Variants in TFEC observed in about 807,000 individuals in gnomAD.
TFEC encodes the protein class E basic helix-loop-helix protein 34.
TFEC carries 31 observed loss-of-function variants against 41.6 expected under a neutral mutation model. The observed-to-expected ratio is 0.74, with a 90% CI of 0.56 to 1.01. TFEC has a LOEUF of 1.01. Among genes scored for constraint, TFEC ranks in the 50% least tolerant of loss-of-function variants. The pLI is 0.00. For synonymous variants in TFEC, 143 were observed against 140.6 expected (o/e 1.02, Z -0.12); for missense variants, 402 against 404.1 (o/e 0.99, Z 0.04).
intron 3 of TFEC, among the ~76,000 whole-genome samples, chr7:115,959,271 A>C (rs1360580175): frequency 6.6e-6 from 1 of 151,794 alleles, no homozygotes; most frequent in Non-Finnish European, 1.5e-5. Flanking sequence ...AAGGCCTGAT[A>C]GAGCAGAGTC....
chr7:116,073,619 A>C (rs1796882500), intron 3 of TFEC, among the ~76,000 whole-genome samples: 1 of 151,900 alleles, frequency 6.6e-6, no homozygotes. Flanking sequence ...TTTTTGCATA[A>C]ATTGACAAGC....
At chr7:115,999,820 T>A in intron 1 of TFEC, among the ~76,000 whole-genome samples, 1 of 117,250 alleles carries the variant, frequency 8.5e-6, no homozygotes, top group Non-Finnish European at 1.7e-5. Flanking sequence ...AGTAGCAAGA[T>A]CAAAGCCATA....
At chr7:116,075,583 TG>T (rs1232046221) in intron 3 of TFEC, among the ~76,000 whole-genome samples, 6 of 152,016 alleles carry the variant, frequency 3.9e-5, no homozygotes, top group Non-Finnish European at 8.8e-5. Context: ...GCCATCTGTG[TG>T]GGAACGGGAT....
At chr7:116,018,945 T>C (rs943318180) in intron 1 of TFEC, among the ~76,000 whole-genome samples, 2 of 152,002 alleles carry the variant, frequency 1.3e-5, no homozygotes, top group Non-Finnish European at 2.9e-5. Context: ...TCATGGATGG[T>C]TAGGTAAAGC....
chr7:116,092,188 T>C (rs1484263608), intron 3 of TFEC, among the ~76,000 whole-genome samples: 1 of 152,206 alleles, frequency 6.6e-6, no homozygotes, highest in African/African-American at 2.4e-5. Flanking sequence ...CTCCAGTGAA[T>C]TCCCCTGTGA....
At chr7:116,067,219 T>C (rs982149366) in intron 3 of TFEC, among the ~76,000 whole-genome samples, 12 of 152,002 alleles carry the variant, frequency 7.9e-5, no homozygotes, top group Admixed American at 6.6e-5. Flanking sequence ...TTATCTTTCA[T>C]AGTTTATTTT....
Position 115,940,100 on chromosome 7 carries a change from A to G in TFEC, c.*451T>C, listed in dbSNP as rs1343946096. 1 of 153,720 alleles carries G rather than the reference A, an allele frequency of 6.5e-6. No individual in the cohort carries two copies. Among genetic ancestry groups the G allele is most frequent in the Non-Finnish European group, 1.4e-5 (1 of 69,184 alleles). The allele number at this position is 153,720 out of a possible 1,614,324, so 9.5% of individuals were successfully genotyped here. The stretch of plus-strand genomic sequence containing the variant: ...TGTCTACTAGACAATGGAGAAAGGC[A>G]ATGACCACCTGATATGTTGATCTTG... On this transcript the variant is annotated 3_prime_UTR_variant, in exon 8 of 8. Coordinates refer to ENST00000265440, the MANE Select transcript of TFEC (RefSeq NM_012252.4).
At chr7:116,105,263 A>G (rs1797691358) in intron 3 of TFEC, among the ~76,000 whole-genome samples, 1 of 152,226 alleles carries the variant, frequency 6.6e-6, no homozygotes, top group Admixed American at 6.5e-5. Context: ...AACCACTAGT[A>G]CATATGCAGT....
intron 1 of TFEC, among the ~76,000 whole-genome samples, chr7:116,143,998 T>C (rs1798591540): frequency 6.6e-6 from 1 of 152,060 alleles, no homozygotes; most frequent in Non-Finnish European, 1.5e-5. Context: ...GGCAGGCAGA[T>C]CACAAGGTCA....
chr7:116,101,679 G>T lies in TFEC; in HGVS notation c.198+9029C>A, dbSNP rs554318088. Among the ~76,000 whole-genome samples, 6 of 147,392 alleles carry T rather than the reference G, an allele frequency of 4.1e-5. No individual in the cohort carries two copies. The South Asian group carries it at 1.4e-3, about 35-fold the overall frequency. On this transcript the variant is annotated intron_variant, in intron 3 of 8. Coordinates refer to the TFEC transcript ENST00000484212. Reference sequence around the variant, plus strand: ...TTTAAGATACGTTGATTGCAGAAAAGACCTTGGGGGGAGTTGGGGCAGGGG... The same window carrying T: ...TTTAAGATACGTTGATTGCAGAAAATACCTTGGGGGGAGTTGGGGCAGGGG...
intron 3 of TFEC, among the ~76,000 whole-genome samples, chr7:116,042,092 C>T (rs978879553): frequency 6.6e-6 from 1 of 151,906 alleles, no homozygotes; most frequent in Non-Finnish European, 1.5e-5. Flanking sequence ...ATGTAGGTGA[C>T]ACAGTTAGAT....
intron 1 of TFEC, among the ~76,000 whole-genome samples, chr7:116,000,601 T>C (rs923250396): frequency 1.3e-5 from 2 of 152,290 alleles, no homozygotes; most frequent in East Asian, 3.9e-4. Context: ...AGTTGCAGGA[T>C]ACAGAATCAA....
chr7:115,961,361 A>T (rs1792537736), intron 3 of TFEC, among the ~76,000 whole-genome samples: 1 of 151,698 alleles, frequency 6.6e-6, no homozygotes, highest in Non-Finnish European at 1.5e-5. Flanking sequence ...ATTTTAAAAT[A>T]CAACAGAGAT....
At chr7:116,008,616 A>G (rs188639147) in intron 1 of TFEC, among the ~76,000 whole-genome samples, 20 of 152,312 alleles carry the variant, frequency 1.3e-4, no homozygotes, top group African/African-American at 4.8e-4. Context: ...CCAACTCATA[A>G]AAGCCACATG....
chr7:115,995,284 T>C (rs981129579), intron 1 of TFEC, among the ~76,000 whole-genome samples: 19 of 151,912 alleles, frequency 1.3e-4, no homozygotes, highest in Non-Finnish European at 2.4e-4. Flanking sequence ...ACATGGCACA[T>C]GTATACATAT....
intron 3 of TFEC, among the ~76,000 whole-genome samples, chr7:116,046,867 A>G (rs1796178005): frequency 6.6e-6 from 1 of 152,182 alleles, no homozygotes; most frequent in Non-Finnish European, 1.5e-5. Flanking sequence ...AATGATTCCC[A>G]TATTCTCTCA....
In TFEC at chr7:116,014,504, A is replaced by G. The variant is rs181182636; in HGVS notation, c.-73+16129T>C. Among the ~76,000 whole-genome samples the G allele has an allele frequency of 4.1e-3, 625 of 152,268 alleles. 1 individual carries two copies. Among genetic ancestry groups the G allele is most frequent in the Non-Finnish European group, 6.1e-3 (413 of 68,014 alleles). On this transcript the variant is annotated intron_variant, in intron 1 of 7. Transcript: ENST00000265440. ...AAACCAACTTTAAAAAAGAAAAAAA[A>G]TTCATTGAAAATTTACAAATTAAAA... is the stretch of plus-strand genomic sequence containing the variant.
chr7:116,146,056 G>A (rs989380057), intron 1 of TFEC, among the ~76,000 whole-genome samples: 1 of 152,182 alleles, frequency 6.6e-6, no homozygotes, highest in Non-Finnish European at 1.5e-5. Context: ...AAGTAATTAA[G>A]TGAAAAACCT....
chr7:115,970,433 A>G (rs973041501), intron 3 of TFEC, among the ~76,000 whole-genome samples: 3 of 151,990 alleles, frequency 2.0e-5, no homozygotes, highest in Non-Finnish European at 4.4e-5. Context: ...AAGTCGAGGC[A>G]GGGAGAAAAT....
Sources: gnomAD v4.1 joint callset for allele counts (sites outside exome capture counted in the v4.1 genomes callset) on GRCh38, gnomAD v4.1.1 for gene constraint, MANE v1.5 for transcripts, NCBI Gene and HGNC (gene_info 2026-07-23, HGNC 2026-07-21) for gene names.